The following BTNL2 variants were observed in gnomAD, a reference collection of about 807,000 sequenced individuals.
BTNL2 encodes butyrophilin like 2, also known as butyrophilin-like protein 2.
Under a neutral mutation model 46.8 loss-of-function variants are expected in BTNL2, and 46 were observed. That is an observed-to-expected ratio of 0.98 (90% confidence interval 0.78 to 1.26). The LOEUF (loss-of-function observed/expected upper bound fraction) is 1.26, where lower values mean the gene tolerates loss of function less well. BTNL2 is among the 50% of genes most tolerant of loss of function. The pLI, the probability that BTNL2 is intolerant of heterozygous loss-of-function variation, is 0.00. For synonymous variants in BTNL2, 226 were observed against 229.1 expected (o/e 0.99, Z 0.12); for missense variants, 461 against 592.6 (o/e 0.78, Z 2.31).
chr6:32,401,663 G>T, intron 4 of BTNL2, 122 bp downstream of exon 4: 1 of 848,002 alleles, frequency 1.2e-6, no homozygotes, highest in Non-Finnish European at 1.8e-6. Flanking sequence ...ATGAACATAG[G>T]ACCTGGTAAA....
chr6:32,404,903 C>A, intron 2 of BTNL2, 36 bp downstream of exon 2: 1 of 1,570,780 alleles, frequency 6.4e-7, no homozygotes, highest in Non-Finnish European at 8.7e-7. Flanking sequence ...TATATCTCTG[C>A]CTCTTGAGAC....
At position 32,396,527 on chromosome 6, in the gene BTNL2, G is replaced by C; in HGVS notation, c.731-141C>G. 1.3e-6 allele frequency: 1 copy of C among 794,532 alleles called. No homozygotes were observed. Among genetic ancestry groups the C allele is most frequent in the Non-Finnish European group, 2.1e-6 (1 of 480,366 alleles). 49.2% of individuals were successfully genotyped at this position (794,532 alleles called of 1,614,324 possible). On this transcript the variant is annotated intron_variant, in intron 4 of 7. Transcript: ENST00000454136. The surrounding 1 kb of genome is among the most constrained non-coding windows in gnomAD (Gnocchi z 4.4). ...AGGCTCAGGGTCATCCTTAGGTGAG[G>C]TGGGGGTTTCATGGACTCAGAATAG...
In BTNL2 at chr6:32,399,255, G is replaced by A. The variant is rs1776618640; in HGVS notation, c.730+2530C>T. ...GTGCTGAAATGTATTGCTTTGTTTT[G>A]TTTTGGTTATTGTTTGTATGTTCTG... On this transcript the variant is annotated intron_variant, in intron 4 of 7. Transcript: ENST00000454136. The surrounding 1 kb of genome is among the most constrained non-coding windows in gnomAD (Gnocchi z 5.2). Among the ~76,000 whole-genome samples, 1 of 152,040 alleles carries A rather than the reference G, an allele frequency of 6.6e-6. No individual in the cohort carries two copies. The highest frequency in any genetic ancestry group is 6.5e-5 in the Admixed American group (1 of 15,274).
intron 5 of BTNL2, among the ~76,000 whole-genome samples, chr6:32,395,293 G>A (rs985414749): frequency 6.6e-5 from 10 of 152,166 alleles, no homozygotes; most frequent in Admixed American, 1.3e-4. Flanking sequence ...CTGTCCCTGA[G>A]AACAAAATAA....
At chr6:32,402,239 T>A (rs1223014705) in intron 3 of BTNL2, among the ~76,000 whole-genome samples, 3 of 152,218 alleles carry the variant, frequency 2.0e-5, no homozygotes, top group Non-Finnish European at 4.4e-5. Context: ...TTAAAGTTTT[T>A]TTAATCTATC....
Position 32,393,895 on chromosome 6 carries a change from G to A in BTNL2, c.*6+68C>T. 2 of 1,508,826 alleles carry A rather than the reference G, an allele frequency of 1.3e-6. No individual in the cohort carries two copies. The allele number at this position is 1,508,826 out of a possible 1,614,324, so 93.5% of individuals were successfully genotyped here. On this transcript the variant is annotated intron_variant, in intron 7 of 7. Transcript: ENST00000454136. The surrounding 1 kb of genome is among the most constrained non-coding windows in gnomAD (Gnocchi z 4.8). ...CCCATAGGTGACTTGTGAAAAGGGA[G>A]GCTCGGGGAAGTACGCAGTACGGTT... is the stretch of plus-strand genomic sequence containing the variant.
intron 5 of BTNL2, 27 bp from the exon 6 acceptor site, chr6:32,395,052 T>C: frequency 6.5e-7 from 1 of 1,535,570 alleles, no homozygotes; most frequent in Non-Finnish European, 8.8e-7. Flanking sequence ...AACCAAAGCC[T>C]GGGGTCCTTT....
intron 4 of BTNL2, among the ~76,000 whole-genome samples, chr6:32,397,803 A>G (rs3129954): frequency 0.72 from 109,431 of 152,048 alleles, 39,571 homozygotes; most frequent in African/African-American, 0.78. Flanking sequence ...GTTTAAAAAC[A>G]TGTCTCATGT....
Position 32,394,517 on chromosome 6 carries a change from C to A in BTNL2, c.1360+227G>T, listed in dbSNP as rs1429912573. ...TCAATTACGAGAATTTAGTGTGTAT[C>A]CAATGATAAAAATAATTGCAGGGCG... On this transcript the variant is annotated intron_variant, in intron 6 of 7. Coordinates refer to ENST00000454136, the MANE Select transcript of BTNL2 (RefSeq NM_001304561.2). The surrounding 1 kb of genome is among the most constrained non-coding windows in gnomAD (Gnocchi z 4.6). Among the ~76,000 whole-genome samples, 5 of 152,106 alleles carry A rather than the reference C, an allele frequency of 3.3e-5. No individual in the cohort carries two copies. The highest frequency in any genetic ancestry group is 7.4e-5 in the Non-Finnish European group (5 of 68,024).
At position 32,394,734 on chromosome 6, in the gene BTNL2, A is replaced by T. The variant is rs1776333160; in HGVS notation, c.1360+10T>A. Reference sequence around the variant, plus strand: ...TTTCCAAACCTGAAGGAACATAAGGAATCACCAACCTGAGAGAGAAAAAGT... The same window carrying T: ...TTTCCAAACCTGAAGGAACATAAGGTATCACCAACCTGAGAGAGAAAAAGT... On this transcript the variant is annotated intron_variant, in intron 6 of 7. Coordinates refer to ENST00000454136, the MANE Select transcript of BTNL2 (RefSeq NM_001304561.2). This position sits in a 1 kb window ranked among gnomAD's most constrained non-coding sequence, Gnocchi z 4.6. The T allele has an allele frequency of 6.2e-7, 1 of 1,607,488 alleles. No homozygotes were observed. The highest frequency in any genetic ancestry group is 8.5e-7 in the Non-Finnish European group (1 of 1,175,196).
rs936830362 is a variant in BTNL2, at chr6:32,399,384, C to T, written c.730+2401G>A. Among the ~76,000 whole-genome samples the T allele has an allele frequency of 6.6e-6, 1 of 152,152 alleles. No individual in the cohort carries two copies. Among genetic ancestry groups the T allele is most frequent in the Non-Finnish European group, 1.5e-5 (1 of 68,024 alleles). ...AAACCTGATAATCTCATCATCATACCACATAATCCTCTTTCAATCAGCATA... is the reference window on the plus strand; with the variant it reads ...AAACCTGATAATCTCATCATCATACTACATAATCCTCTTTCAATCAGCATA... On this transcript the variant is annotated intron_variant, in intron 4 of 7. Coordinates refer to ENST00000454136, the MANE Select transcript of BTNL2 (RefSeq NM_001304561.2). The surrounding 1 kb of genome is among the most constrained non-coding windows in gnomAD (Gnocchi z 5.2).
chr6:32,393,976 C>T lies in BTNL2; in HGVS notation c.1442G>A (p.Arg481Lys). The T allele has an allele frequency of 2.6e-6, 4 of 1,546,246 alleles. No homozygotes were observed. Among genetic ancestry groups the T allele is most frequent in the Non-Finnish European group, 3.5e-6 (4 of 1,145,256 alleles). ...TCCCTGACTTACCTCTTTTCAGCTC[C>T]TCTTCCTGGGCAGGCCTACAGCCAC... ...LAVAVGLPRK[R>K]S Residue 481 changes from arginine (R) to lysine (K), a missense_variant, in exon 7 of 8, where the codon AGG (arginine) becomes AAG (lysine). Transcript: ENST00000454136. The surrounding 1 kb of genome is among the most constrained non-coding windows in gnomAD (Gnocchi z 4.8).
chr6:32,395,345 G>A (rs1331539589), intron 5 of BTNL2, among the ~76,000 whole-genome samples: 3 of 152,162 alleles, frequency 2.0e-5, no homozygotes, highest in African/African-American at 7.2e-5. Flanking sequence ...ATTAACATAC[G>A]GAGTAGGAGG....
chr6:32,395,941 T>G, intron 5 of BTNL2, 98 bp downstream of exon 5: 1 of 983,226 alleles, frequency 1.0e-6, no homozygotes, highest in Non-Finnish European at 1.5e-6. Flanking sequence ...GAATAAGCAT[T>G]AAGAAAATTT....
In BTNL2 at chr6:32,396,134, A is replaced by G. The variant is rs1195016792; in HGVS notation, c.983T>C (p.Ile328Thr). Residue 328 changes from isoleucine to threonine, a missense_variant, in exon 5 of 8, where the codon ATA (isoleucine) becomes ACA (threonine). Transcript: ENST00000454136. The surrounding 1 kb of genome is among the most constrained non-coding windows in gnomAD (Gnocchi z 4.4). ...GTCGTCCGAAGGTCTGGCACTGAGT[A>G]TCTGCAGGGTCAGTCTGCCCTCGTC... ...AIDEGRLTLQ[I>T]LSARPSDDGQ... 10 of 1,613,108 alleles carry G rather than the reference A, an allele frequency of 6.2e-6. No individual in the cohort carries two copies.
intron 4 of BTNL2, among the ~76,000 whole-genome samples, chr6:32,400,591 C>T (rs759098800): frequency 5.9e-4 from 90 of 151,954 alleles, no homozygotes; most frequent in Middle Eastern, 3.4e-3. Flanking sequence ...AAATAATACC[C>T]TCAGTCCAAC....
Position 32,396,497 on chromosome 6 carries a change from C to T in BTNL2, c.731-111G>A. ...AGAAACCATGAGCATCCCAGGGTTG[C>T]TGTGAGGCTCAGGGTCATCCTTAGG... On this transcript the variant is annotated intron_variant, in intron 4 of 7. Transcript: ENST00000454136. The surrounding 1 kb of genome is among the most constrained non-coding windows in gnomAD (Gnocchi z 4.4). 1.8e-6 allele frequency: 2 copies of T among 1,092,820 alleles called. No homozygotes were observed. Among genetic ancestry groups the T allele is most frequent in the Non-Finnish European group, 2.7e-6 (2 of 744,060 alleles). The allele number at this position is 1,092,820 out of a possible 1,614,324, so 67.7% of individuals were successfully genotyped here.
In BTNL2 at chr6:32,396,675, T is replaced by C. The variant is rs116991925; in HGVS notation, c.731-289A>G. 0.012 allele frequency among the ~76,000 whole-genome samples: 1,855 copies of C among 152,228 alleles called. 69 individuals are homozygous for C. Among genetic ancestry groups the C allele is most frequent in the East Asian group, 0.11 (564 of 5,166 alleles). On this transcript the variant is annotated intron_variant, in intron 4 of 7. Coordinates refer to ENST00000454136, the MANE Select transcript of BTNL2 (RefSeq NM_001304561.2). This position sits in a 1 kb window ranked among gnomAD's most constrained non-coding sequence, Gnocchi z 4.4. ...AGTTTACAGACCAATAATAAAATAA[T>C]TTTGCAATTAAAACTCCCAGATAGG...
rs965085650 is a variant in BTNL2, at chr6:32,405,180, C to T, written c.186G>A (p.Glu62=). 49 of 1,612,984 alleles carry T rather than the reference C, an allele frequency of 3.0e-5. No homozygotes were observed. The highest frequency in any genetic ancestry group is 4.0e-5 in the Non-Finnish European group (47 of 1,180,044). ...TGGGCTCTGAGCGGTACCACCTCAC[C>T]TCCACGTGCATTGTGGTCCTCTTGG... ...LLPKRTTMHV[E]VRWYRSEPST... is the part of the protein sequence containing the mutation. The change falls in exon 2 of 8, where the codon GAG becomes GAA. Residue 62 remains glutamate (E), a synonymous_variant. Coordinates refer to ENST00000454136, the MANE Select transcript of BTNL2 (RefSeq NM_001304561.2).
Sources: allele counts gnomAD v4.1 joint callset (sites outside exome capture counted in the v4.1 genomes callset), GRCh38; gene constraint gnomAD v4.1.1; non-coding constraint Gnocchi (gnomAD v3.1); transcripts MANE v1.5; gene names NCBI Gene and HGNC (gene_info 2026-07-23, HGNC 2026-07-21).